Variants in MTUS2 observed in about 807,000 individuals in gnomAD.
MTUS2 encodes the protein microtubule-associated tumor suppressor candidate 2.
Under a neutral mutation model 114.1 loss-of-function variants are expected in MTUS2, and 40 were observed. The ratio of observed to expected loss-of-function variants is 0.35; its 90% confidence interval spans 0.27 to 0.46. The LOEUF (loss-of-function observed/expected upper bound fraction) is 0.46. Ranked by LOEUF, MTUS2 falls within the 20% of genes least tolerant of loss-of-function variation. The pLI is 1.00. For synonymous variants in MTUS2, 688 were observed against 672.0 expected (o/e 1.02, Z -0.37); for missense variants, 1,679 against 1,705.4 (o/e 0.98, Z 0.27).
At chr13:29,214,628 T>C (rs1296622624) in intron 5 of MTUS2, among the ~76,000 whole-genome samples, 1 of 152,212 alleles carries the variant, frequency 6.6e-6, no homozygotes, top group Non-Finnish European at 1.5e-5. Flanking sequence ...AAGCTTAGTT[T>C]GCCTGGATAT....
chr13:29,274,066 T>A (rs1238491381), intron 5 of MTUS2, among the ~76,000 whole-genome samples: 1 of 152,198 alleles, frequency 6.6e-6, no homozygotes, highest in Non-Finnish European at 1.5e-5. Flanking sequence ...AATCACATGG[T>A]AACTCTATGG....
At chr13:28,992,377 T>C (rs1166713746) in intron 2 of MTUS2, among the ~76,000 whole-genome samples, 1 of 152,146 alleles carries the variant, frequency 6.6e-6, no homozygotes, top group Non-Finnish European at 1.5e-5. Flanking sequence ...AGACAGCAGA[T>C]AAGAGGACTG....
intron 5 of MTUS2, among the ~76,000 whole-genome samples, chr13:29,132,334 C>A (rs1891800639): frequency 6.6e-6 from 1 of 152,184 alleles, no homozygotes; most frequent in African/African-American, 2.4e-5. Flanking sequence ...ATTAAGCTTT[C>A]TATAGCTTTT....
intron 5 of MTUS2, among the ~76,000 whole-genome samples, chr13:29,164,988 T>C (rs1893255414): frequency 6.6e-6 from 1 of 152,194 alleles, no homozygotes; most frequent in Admixed American, 6.5e-5. Context: ...AGAATAGGTA[T>C]TTCTCTAGAC....
chr13:29,347,796 A>T (rs992413378), intron 7 of MTUS2, among the ~76,000 whole-genome samples: 4 of 152,200 alleles, frequency 2.6e-5, no homozygotes, highest in Non-Finnish European at 5.9e-5. Flanking sequence ...TACAAATTGG[A>T]GGTTCTCACA....
intron 5 of MTUS2, among the ~76,000 whole-genome samples, chr13:29,101,848 A>G (rs1227814075): frequency 6.6e-6 from 1 of 152,180 alleles, no homozygotes; most frequent in Non-Finnish European, 1.5e-5. Flanking sequence ...TATTTTGTCA[A>G]TTTCTTGTCC....
intron 2 of MTUS2, among the ~76,000 whole-genome samples, chr13:28,895,978 T>A (rs1207443682): frequency 1.3e-5 from 2 of 152,178 alleles, no homozygotes; most frequent in Non-Finnish European, 2.9e-5. Flanking sequence ...TAATTTTAAA[T>A]CTATTTTAAA....
intron 9 of MTUS2, among the ~76,000 whole-genome samples, chr13:29,457,577 G>C (rs1462278057): frequency 6.6e-6 from 1 of 152,046 alleles, no homozygotes; most frequent in Non-Finnish European, 1.5e-5. Context: ...CCACTGTCTT[G>C]CTATTATAAA....
chr13:28,992,485 T>C (rs2138342732), intron 2 of MTUS2, among the ~76,000 whole-genome samples: 2 of 152,298 alleles, frequency 1.3e-5, no homozygotes, highest in East Asian at 3.9e-4. Context: ...TTTTGACGGC[T>C]GCACATGGAC....
Position 29,026,209 on chromosome 13 carries a change from C to T in MTUS2, c.1511C>T (p.Thr504Ile), listed in dbSNP as rs758637752. Residue 504 changes from threonine (T) to isoleucine (I), a missense_variant, in exon 3 of 16, where the codon ACA (threonine) becomes ATA (isoleucine). Thr to Ile is a moderately conservative substitution (Grantham distance 89). Transcript: ENST00000612955. ...GCACGGGAAAGCAAAGAGGTCACCA[C>T]ATCTGTTGCTGAAAACAGGAACCTT... ...SEARESKEVT[T>I]SVAENRNLLE... 1 of 1,613,900 alleles carries T rather than the reference C, an allele frequency of 6.2e-7. No homozygotes were observed. Among genetic ancestry groups the T allele is most frequent in the East Asian group, 2.2e-5 (1 of 44,898 alleles).
At chr13:29,234,382 A>G (rs9551631) in intron 5 of MTUS2, among the ~76,000 whole-genome samples, 25,403 of 152,118 alleles carry the variant, frequency 0.17, 2,386 homozygotes, top group East Asian at 0.41. Context: ...AGATTATCTT[A>G]CACAAGCATT....
chr13:29,322,020 T>C (rs1900275078), intron 6 of MTUS2, among the ~76,000 whole-genome samples: 1 of 152,174 alleles, frequency 6.6e-6, no homozygotes, highest in African/African-American at 2.4e-5. Context: ...TAACTTATGT[T>C]ATATATGTTA....
At position 29,503,100 on chromosome 13, in the gene MTUS2, C is replaced by G. The variant is rs754565128; in HGVS notation, c.4004C>G (p.Thr1335Ser). Reference sequence around the variant, plus strand: ...GAAGAGCTGCTTTGGAAGCTCCAAACTGGGGACCCGACCAGTCCGATTAAA... The same window carrying G: ...GAAGAGCTGCTTTGGAAGCTCCAAAGTGGGGACCCGACCAGTCCGATTAAA... ...TNEELLWKLQ[T>S]GDPTSPIKLS... The change falls in exon 16 of 16, where the codon ACT becomes AGT. Residue 1335 changes from threonine to serine, a missense_variant. Transcript: ENST00000612955. The G allele has an allele frequency of 3.1e-6, 5 of 1,614,236 alleles. No homozygotes were observed. Among genetic ancestry groups the G allele is most frequent in the Admixed American group, 1.7e-5 (1 of 60,036 alleles).
chr13:29,463,767 G>A (rs1411632459), intron 9 of MTUS2, among the ~76,000 whole-genome samples: 1 of 152,230 alleles, frequency 6.6e-6, no homozygotes, highest in Non-Finnish European at 1.5e-5. Context: ...GGGGGGCCGA[G>A]GCGGGCATAT....
intron 7 of MTUS2, among the ~76,000 whole-genome samples, chr13:29,334,877 T>G (rs1337561495): frequency 6.6e-6 from 1 of 152,242 alleles, no homozygotes; most frequent in African/African-American, 2.4e-5. Flanking sequence ...CCTATGCCTG[T>G]CTTTACTTTA....
chr13:29,374,362 G>A (rs941911408), intron 8 of MTUS2, among the ~76,000 whole-genome samples: 1 of 152,124 alleles, frequency 6.6e-6, no homozygotes, highest in Admixed American at 6.5e-5. Context: ...ACCACAAACA[G>A]GATAAGCCCA....
intron 5 of MTUS2, among the ~76,000 whole-genome samples, chr13:29,241,393 A>C (rs1290054334): frequency 6.6e-6 from 1 of 152,174 alleles, no homozygotes; most frequent in Non-Finnish European, 1.5e-5. Flanking sequence ...GGAGGTATTC[A>C]TTTATTTACT....
chr13:28,828,814 A>G (rs1280704628), intron 1 of MTUS2, among the ~76,000 whole-genome samples: 1 of 152,196 alleles, frequency 6.6e-6, no homozygotes, highest in Admixed American at 6.5e-5. Flanking sequence ...ATTTTAAAGG[A>G]AGACAGGATC....
intron 2 of MTUS2, among the ~76,000 whole-genome samples, chr13:28,989,498 A>G (rs1389442057): frequency 6.6e-6 from 1 of 152,210 alleles, no homozygotes; most frequent in Non-Finnish European, 1.5e-5. Flanking sequence ...AATCTCTAAG[A>G]AGGAGGAGGT....
Sources: gnomAD v4.1 joint callset for allele counts (sites outside exome capture counted in the v4.1 genomes callset) on GRCh38, gnomAD v4.1.1 for gene constraint, MANE v1.5 for transcripts, NCBI Gene and HGNC (gene_info 2026-07-23, HGNC 2026-07-21) for gene names.